The following NXPE1 variants were observed in gnomAD, a reference collection of about 807,000 sequenced individuals.
NXPE1 encodes the protein NXPE family member 1.
NXPE1 carries 31 observed loss-of-function variants against 33.3 expected under a neutral mutation model. The ratio of observed to expected loss-of-function variants is 0.93; its 90% CI spans 0.70 to 1.26. The LOEUF (loss-of-function observed/expected upper bound fraction) is 1.26. Ranked by LOEUF, NXPE1 falls within the 50% of genes most tolerant of loss-of-function variation. The pLI is 0.00. For synonymous variants in NXPE1, 229 were observed against 231.4 expected, an observed-to-expected ratio of 0.99 and a Z score of 0.09; for missense variants, 661 against 655.6, an observed-to-expected ratio of 1.01 and a Z score of -0.09.
rs969203469 is a variant in NXPE1 at position 114,539,500 on chromosome 11, G to C, written c.100-8592C>G. ...GGAGGTATTTTGAAAACTCTTTTAAGGATATTTTTTAAAGGTCTGAATGAA... is the reference window on the plus strand; with the variant it reads ...GGAGGTATTTTGAAAACTCTTTTAACGATATTTTTTAAAGGTCTGAATGAA... On this transcript the variant is annotated intron_variant, in intron 5 of 8. Transcript: ENST00000534921. Among the ~76,000 whole-genome samples, 8 of 152,162 alleles carry C rather than the reference G, an allele frequency of 5.3e-5. No individual in the cohort carries two copies. In the South Asian group the frequency reaches 1.7e-3, roughly 32 times the overall value.
At chr11:114,557,713 C>G (rs1948690257) in intron 1 of NXPE1, among the ~76,000 whole-genome samples, 1 of 143,966 alleles carries the variant, frequency 6.9e-6, no homozygotes, top group Non-Finnish European at 1.5e-5. Flanking sequence ...TAGTTTCCTT[C>G]TTTTTCATTC....
intron 5 of NXPE1, among the ~76,000 whole-genome samples, chr11:114,542,357 C>A (rs534686150): frequency 7.2e-5 from 11 of 152,158 alleles, no homozygotes; most frequent in Admixed American, 5.2e-4. Flanking sequence ...ACTATTTTTC[C>A]CAGATCGTTC....
exon 9 of NXPE1, chr11:114,522,247 G>A (rs758159681): frequency 6.8e-6 from 11 of 1,614,050 alleles, no homozygotes; most frequent in East Asian, 4.5e-5. Context: ...TTTGAACACC[G>A]ATGGCCCTGC....
chr11:114,523,661 C>T (rs1209757923), intron 7 of NXPE1, among the ~76,000 whole-genome samples: 1 of 152,076 alleles, frequency 6.6e-6, no homozygotes, highest in Admixed American at 6.6e-5. Flanking sequence ...TGAGATAATC[C>T]AGGAAGTTTC....
At chr11:114,545,044 T>TA (rs200664376) in intron 5 of NXPE1, among the ~76,000 whole-genome samples, 32 of 151,358 alleles carry the variant, frequency 2.1e-4, no homozygotes, top group South Asian at 6.3e-4. Flanking sequence ...GGCTAAAATT[T>TA]AAAAAAAAAC....
intron 5 of NXPE1, 108 bp downstream of exon 5, chr11:114,550,995 T>C (rs908319719): frequency 1.3e-5 from 8 of 628,898 alleles, no homozygotes; most frequent in African/African-American, 9.1e-5. Context: ...AGGGCAGTAG[T>C]TGAGGTGGGG....
At chr11:114,540,576 T>G (rs1051592448) in intron 5 of NXPE1, among the ~76,000 whole-genome samples, 5 of 152,126 alleles carry the variant, frequency 3.3e-5, no homozygotes, top group African/African-American at 1.2e-4. Context: ...AATAATTTTT[T>G]TTTAAGTATA....
intron 1 of NXPE1, among the ~76,000 whole-genome samples, chr11:114,553,177 C>T (rs1948558335): frequency 6.6e-6 from 1 of 152,122 alleles, no homozygotes; most frequent in African/African-American, 2.4e-5. Flanking sequence ...ATAATTTATT[C>T]CTTTGTGCTC....
chr11:114,546,094 A>C (rs1948273579), intron 5 of NXPE1, among the ~76,000 whole-genome samples: 1 of 152,218 alleles, frequency 6.6e-6, no homozygotes, highest in Non-Finnish European at 1.5e-5. Flanking sequence ...CTGTATTACA[A>C]ATGTATGACA....
At chr11:114,526,132 G>T (rs1591256774) in intron 7 of NXPE1, among the ~76,000 whole-genome samples, 2 of 152,166 alleles carry the variant, frequency 1.3e-5, no homozygotes, top group South Asian at 2.1e-4. Flanking sequence ...GAAGAGGGCT[G>T]CAAGGAATGT....
At chr11:114,544,353 A>T (rs558266604) in intron 5 of NXPE1, among the ~76,000 whole-genome samples, 1 of 152,362 alleles carries the variant, frequency 6.6e-6, no homozygotes, top group Admixed American at 6.5e-5. Context: ...CGTTATCAAG[A>T]CAATGCAGTG....
At chr11:114,528,522 T>C (rs73558046) in intron 6 of NXPE1, among the ~76,000 whole-genome samples, 331 of 152,344 alleles carry the variant, frequency 2.2e-3, no homozygotes, top group African/African-American at 7.8e-3. Context: ...TCATAAGCTT[T>C]ATGAAGGAAG....
exon 3 of NXPE1, chr11:114,552,074 G>A (rs1392244694): frequency 6.6e-6 from 1 of 152,192 alleles, no homozygotes; most frequent in Non-Finnish European, 1.5e-5. Context: ...GATGCGCAGA[G>A]CAATTTAGAT....
intron 1 of NXPE1, among the ~76,000 whole-genome samples, chr11:114,557,634 C>CATATATATATATATATAT (rs4019608): frequency 7.8e-6 from 1 of 128,452 alleles, no homozygotes; most frequent in Non-Finnish European, 1.6e-5. Flanking sequence ...ATATATAATA[C>CATATATATATATATATAT]ATATATATAT....
chr11:114,524,629 C>G (rs1450595468), intron 7 of NXPE1, among the ~76,000 whole-genome samples: 2 of 151,996 alleles, frequency 1.3e-5, no homozygotes, highest in South Asian at 2.1e-4. Flanking sequence ...ATACCATGAC[C>G]CTGGAAACTT....
chr11:114,548,323 C>T (rs1462753771), intron 5 of NXPE1, among the ~76,000 whole-genome samples: 4 of 151,878 alleles, frequency 2.6e-5, no homozygotes, highest in Admixed American at 6.6e-5. Context: ...AAAGACAGAT[C>T]GTGTAGATAT....
At chr11:114,538,285 G>T (rs1035170290) in intron 5 of NXPE1, among the ~76,000 whole-genome samples, 14 of 152,196 alleles carry the variant, frequency 9.2e-5, no homozygotes, top group Middle Eastern at 3.4e-3. Context: ...AATTCAAGAT[G>T]GATTAAAGAC....
intron 6 of NXPE1, chr11:114,528,719 G>A (rs1487609446): frequency 1.9e-6 from 1 of 537,174 alleles, no homozygotes; most frequent in South Asian, 2.7e-5. Context: ...ATATGGCCAT[G>A]AAAGTGGAGG....
intron 5 of NXPE1, among the ~76,000 whole-genome samples, chr11:114,535,790 T>G (rs536108233): frequency 9.9e-5 from 15 of 152,278 alleles, no homozygotes; most frequent in African/African-American, 3.1e-4. Flanking sequence ...AGCAAGTCCT[T>G]AGTGACCTAC....
Sources: gnomAD v4.1 joint callset for allele counts (sites outside exome capture counted in the v4.1 genomes callset) on GRCh38, gnomAD v4.1.1 for gene constraint, MANE v1.5 for transcripts, NCBI Gene and HGNC (gene_info 2026-07-23, HGNC 2026-07-21) for gene names.